The following SMIM22 variants were observed in gnomAD, a reference collection of about 807,000 sequenced individuals.
SMIM22 encodes the protein cancer associated small integral membrane open reading frame 1.
In SMIM22, 16 loss-of-function variants were observed where a neutral mutation model predicts 8.4. The ratio of observed to expected loss-of-function variants is 1.90; its 90% CI spans 1.29 to 2.89. SMIM22 has a LOEUF of 2.89. Among genes scored for constraint, SMIM22 ranks in the 30% most tolerant of loss-of-function variants. The probability of loss-of-function intolerance (pLI) is 0.00; values close to 1 mark genes in which losing one functional copy is unlikely to be tolerated. For synonymous variants in SMIM22, 67 were observed against 47.6 expected (o/e 1.41, Z -1.68); for missense variants, 159 against 107.5 (o/e 1.48, Z -2.12).
At chr16:4,792,965 T>C (rs2082575311), upstream of SMIM22, among the ~76,000 whole-genome samples, 1 of 151,756 alleles carries the variant, frequency 6.6e-6, no homozygotes, top group Non-Finnish European at 1.5e-5. Context: ...AAAAGTTAGC[T>C]GGGCGTGGTG....
chr16:4,792,355 T>C (rs2082564238), upstream of SMIM22, among the ~76,000 whole-genome samples: 1 of 151,550 alleles, frequency 6.6e-6, no homozygotes, highest in African/African-American at 2.4e-5. Context: ...CACGCCCGGC[T>C]AATTTTTTGT....
chr16:4,788,475 C>T (rs2082496370), exon 1 of SMIM22: 2 of 152,196 alleles, frequency 1.3e-5, no homozygotes, highest in Admixed American at 6.6e-5. Context: ...CCACAATGAC[C>T]CCAGCCTAAT....
At chr16:4,795,892 C>A (rs542736853) in intron 2 of SMIM22, 34 bp downstream of exon 2, 5 of 1,533,130 alleles carry the variant, frequency 3.3e-6, no homozygotes, top group East Asian at 2.4e-5. Flanking sequence ...GTCCTCCCAG[C>A]CCCCTGCCCT....
rs80093964 is a variant in SMIM22 at position 4,788,961 on chromosome 16, G to T, written c.-146+190G>T. ...GAGATGCCCTCTTTAAATAGGCCATGTGCTTTCCAGACTGTGGTCCTCACC... is the reference window on the plus strand; with the variant it reads ...GAGATGCCCTCTTTAAATAGGCCATTTGCTTTCCAGACTGTGGTCCTCACC... On this transcript the variant is annotated intron_variant, in intron 2 of 5. Coordinates refer to the SMIM22 transcript ENST00000589327. Among the ~76,000 whole-genome samples the T allele has an allele frequency of 3.7e-3, 559 of 152,330 alleles. 2 individuals carry two copies. The highest frequency in any genetic ancestry group is 0.013 in the African/African-American group (531 of 41,590).
chr16:4,791,373 C>T (rs556021153), upstream of SMIM22, among the ~76,000 whole-genome samples: 6 of 152,236 alleles, frequency 3.9e-5, no homozygotes, highest in South Asian at 2.1e-4. Flanking sequence ...GTCAACACGG[C>T]GATAATAGCA....
upstream of SMIM22, among the ~76,000 whole-genome samples, chr16:4,791,052 G>C (rs2082543150): frequency 6.6e-6 from 1 of 152,232 alleles, no homozygotes; most frequent in Non-Finnish European, 1.5e-5. Context: ...GACTGCGTTT[G>C]AGCAGTAGAC....
chr16:4,792,302 T>C (rs2082563184), upstream of SMIM22, among the ~76,000 whole-genome samples: 1 of 151,580 alleles, frequency 6.6e-6, no homozygotes, highest in Non-Finnish European at 1.5e-5. Flanking sequence ...GCCATTCTCC[T>C]GCCTCAGCCT....
rs959101141 is a variant in SMIM22, at chr16:4,788,580, G to A, written c.-189+1G>A. On this transcript the variant is annotated splice_donor_variant, in intron 1 of 5. Transcript: ENST00000589327. LOFTEE classifies it low-confidence loss of function (5UTR_SPLICE). ...TGACGCCCTCAACCACTCTGCTGGG[G>A]TGAGCAAACCCAGGCCCCACAGCTG... The A allele has an allele frequency of 6.6e-6, 1 of 152,216 alleles. No individual in the cohort carries two copies. Among genetic ancestry groups the A allele is most frequent in the Non-Finnish European group, 1.5e-5 (1 of 68,050 alleles). 9.4% of individuals were successfully genotyped at this position (152,216 alleles called of 1,614,324 possible). A position where few individuals can be genotyped will look rare whatever the true frequency, so the allele number is the denominator to read the frequency against.
At chr16:4,793,880 G>A (rs145826108), upstream of SMIM22, among the ~76,000 whole-genome samples, 3 of 151,566 alleles carry the variant, frequency 2.0e-5, no homozygotes, top group East Asian at 2.0e-4. Context: ...GGGTTCAAGC[G>A]ATTCTCCTGC....
Position 4,795,869 on chromosome 16 carries a change from C to A in SMIM22, c.124+11C>A. On this transcript the variant is annotated intron_variant, in intron 2 of 3. Coordinates refer to ENST00000586005, the MANE Select transcript of SMIM22 (RefSeq NM_001253794.2). ...TCCTCACCTTCATGGGTAAGTGTGG[C>A]TGTGGCCTCTGGGTCCTCCCAGCCC... 1 of 1,535,444 alleles carries A rather than the reference C, an allele frequency of 6.5e-7. No individual in the cohort carries two copies. The highest frequency in any genetic ancestry group is 8.7e-7 in the Non-Finnish European group (1 of 1,146,498).
rs369949149 is a variant in SMIM22, at chr16:4,795,931, G to A, written c.125-17G>A. 8 of 1,520,030 alleles carry A rather than the reference G, an allele frequency of 5.3e-6. No homozygotes were observed. Among genetic ancestry groups the A allele is most frequent in the Non-Finnish European group, 5.3e-6 (6 of 1,138,782 alleles). The allele number at this position is 1,520,030 out of a possible 1,614,324, so 94.2% of individuals were successfully genotyped here. A position where few individuals can be genotyped will look rare whatever the true frequency, so the allele number is the denominator to read the frequency against. On this transcript the variant is annotated splice_polypyrimidine_tract_variant and intron_variant, in intron 2 of 3. Transcript: ENST00000586005. ...CTCCAGGTTGGGGCCACACCTGGAC[G>A]CCTGTCCTGTCCCCAGGCACCGTGC...
chr16:4,796,312 T>C lies in SMIM22; in HGVS notation c.*81T>C, dbSNP rs2082644148. 1.6e-5 allele frequency: 24 copies of C among 1,489,476 alleles called. No individual in the cohort carries two copies. The highest frequency in any genetic ancestry group is 2.2e-5 in the Non-Finnish European group (24 of 1,113,384). 92.3% of individuals were successfully genotyped at this position (1,489,476 alleles called of 1,614,324 possible). ...AGTCTGCAGTGTCTTCCAGTCCCCGTCTGGGTGGGTGACGCGGGACTCGCC... is the reference window on the plus strand; with the variant it reads ...AGTCTGCAGTGTCTTCCAGTCCCCGCCTGGGTGGGTGACGCGGGACTCGCC... On this transcript the variant is annotated 3_prime_UTR_variant, in exon 4 of 4. Coordinates refer to ENST00000586005, the MANE Select transcript of SMIM22 (RefSeq NM_001253794.2).
upstream of SMIM22, among the ~76,000 whole-genome samples, chr16:4,792,631 G>A (rs1242998339): frequency 6.6e-5 from 10 of 151,308 alleles, no homozygotes; most frequent in African/African-American, 1.2e-4. Flanking sequence ...GTGAAACCCC[G>A]TCTCTACTGA....
chr16:4,792,433 G>GC (rs1222122069), upstream of SMIM22, among the ~76,000 whole-genome samples: 42 of 150,538 alleles, frequency 2.8e-4, 1 homozygote, highest in Middle Eastern at 6.8e-3. Context: ...CTCGTGATCT[G>GC]CCCCCCTCGG....
upstream of SMIM22, among the ~76,000 whole-genome samples, chr16:4,792,892 C>G (rs1170262887): frequency 6.6e-6 from 1 of 150,632 alleles, no homozygotes; most frequent in Non-Finnish European, 1.5e-5. Flanking sequence ...GGTGAATCAC[C>G]TGAGGTCAGG....
chr16:4,794,328 T>G (rs1157044636), upstream of SMIM22, among the ~76,000 whole-genome samples: 1 of 151,976 alleles, frequency 6.6e-6, no homozygotes, highest in Non-Finnish European at 1.5e-5. Context: ...AGGATGGTCT[T>G]GATCTCCTGA....
chr16:4,789,915 T>G (rs1373789193), intron 2 of SMIM22: 1 of 125,568 alleles, frequency 8.0e-6, no homozygotes. Context: ...TTTTCTTTCT[T>G]TTTTTTTTTT....
In SMIM22 at chr16:4,795,383, C is replaced by CGGAAGCA. The variant is rs1567589482; in HGVS notation, c.-78_-72dup. 1 of 260,806 alleles carries CGGAAGCA rather than the reference C, an allele frequency of 3.8e-6. No homozygotes were observed. The highest frequency in any genetic ancestry group is 2.3e-5 in the African/African-American group (1 of 43,704). 16.2% of individuals were successfully genotyped at this position (260,806 alleles called of 1,614,324 possible). A position where few individuals can be genotyped will look rare whatever the true frequency, so the allele number is the denominator to read the frequency against. ...GCCAAGGCCTCAGGTGGTGTGGAGC[C>CGGAAGCA]GGAAGCAGGAAGCAGCCTGTGCTCC... On this transcript the variant is annotated 5_prime_UTR_variant, in exon 1 of 4. Transcript: ENST00000586005.
At chr16:4,792,116 G>C (rs1239010111), upstream of SMIM22, among the ~76,000 whole-genome samples, 2 of 152,222 alleles carry the variant, frequency 1.3e-5, no homozygotes, top group South Asian at 4.1e-4. Flanking sequence ...GGCCAGAGGG[G>C]AGAGGAGGGG....
Sources: gnomAD v4.1 joint callset for allele counts (sites outside exome capture counted in the v4.1 genomes callset) on GRCh38, gnomAD v4.1.1 for gene constraint, MANE v1.5 for transcripts, NCBI Gene and HGNC (gene_info 2026-07-23, HGNC 2026-07-21) for gene names.